The following UNC13C variants were observed in gnomAD, a reference collection of about 807,000 sequenced individuals.
UNC13C encodes the protein protein unc-13 homolog C.
A neutral mutation model predicts 245.4 loss-of-function variants in UNC13C; 174 were observed. The ratio of observed to expected loss-of-function variants is 0.71; its 90% CI spans 0.63 to 0.80. The LOEUF is 0.80. Among genes scored for constraint, UNC13C ranks in the 30% least tolerant of loss-of-function variants. The probability of loss-of-function intolerance (pLI) is 0.00; values close to 1 mark genes in which losing one functional copy is unlikely to be tolerated. For synonymous variants in UNC13C, 992 were observed against 895.1 expected (o/e 1.11, Z -1.93); for missense variants, 2,829 against 2,602.9 (o/e 1.09, Z -1.89).
At chr15:54,319,848 T>G (rs1567184051) in intron 13 of UNC13C, among the ~76,000 whole-genome samples, 1 of 152,008 alleles carries the variant, frequency 6.6e-6, no homozygotes, top group Non-Finnish European at 1.5e-5. Flanking sequence ...TGCTTTCCAT[T>G]TTCAAGTCTT....
intron 19 of UNC13C, among the ~76,000 whole-genome samples, chr15:54,416,119 G>T (rs1411270496): frequency 1.3e-5 from 2 of 152,194 alleles, no homozygotes; most frequent in Non-Finnish European, 2.9e-5. Context: ...ACAGGGCCTT[G>T]TGGGCCATCG....
In UNC13C at chr15:54,511,838, T is replaced by A. The variant is rs1241886127; in HGVS notation, c.5457+8T>A. The A allele has an allele frequency of 2.5e-6, 4 of 1,577,912 alleles. No individual in the cohort carries two copies. Among genetic ancestry groups the A allele is most frequent in the African/African-American group, 1.3e-5 (1 of 74,166 alleles). On this transcript the variant is annotated splice_region_variant and intron_variant, in intron 24 of 32. Coordinates refer to ENST00000260323, the MANE Select transcript of UNC13C (RefSeq NM_001080534.3). ...TCCATGGGAGGGAAGGAGGTGGGTA[T>A]CTTTTTCTCCTACATTTGCTAAAAA... is the stretch of plus-strand genomic sequence containing the variant.
chr15:54,115,109 A>G (rs891860357), intron 2 of UNC13C, among the ~76,000 whole-genome samples: 2 of 152,000 alleles, frequency 1.3e-5, no homozygotes, highest in Non-Finnish European at 2.9e-5. Context: ...ATTTTATGAT[A>G]TATTTTTACT....
chr15:53,928,743 G>T, the UNC13C span, among the ~76,000 whole-genome samples: 1 of 152,182 alleles, frequency 6.6e-6, no homozygotes, highest in Admixed American at 6.5e-5. Context: ...GTGCATTTCT[G>T]GAGGTACTGC....
chr15:54,387,204 C>T (rs1386101278), intron 17 of UNC13C, among the ~76,000 whole-genome samples: 1 of 152,118 alleles, frequency 6.6e-6, no homozygotes, highest in Non-Finnish European at 1.5e-5. Flanking sequence ...AATGCCTGCT[C>T]CGTGACAAAG....
At chr15:54,105,286 G>C (rs185232993) in intron 2 of UNC13C, among the ~76,000 whole-genome samples, 96 of 152,206 alleles carry the variant, frequency 6.3e-4, no homozygotes, top group African/African-American at 2.3e-3. Flanking sequence ...ACAGGACATG[G>C]GGGGGTCTCA....
At chr15:54,320,826 C>A in intron 13 of UNC13C, 1 of 323,688 alleles carries the variant, frequency 3.1e-6, no homozygotes, top group South Asian at 2.9e-5. Context: ...ACCACAGGAA[C>A]TAGAGCTTCT....
intron 17 of UNC13C, among the ~76,000 whole-genome samples, chr15:54,347,738 A>T (rs1325397110): frequency 1.3e-5 from 2 of 152,148 alleles, no homozygotes; most frequent in African/African-American, 4.8e-5. Context: ...CAGTAGAAAC[A>T]TATTTCTCTC....
chr15:54,203,160 A>C (rs2034576157), intron 4 of UNC13C, among the ~76,000 whole-genome samples: 5 of 151,874 alleles, frequency 3.3e-5, no homozygotes, highest in Admixed American at 3.3e-4. Flanking sequence ...TGGCCATAAT[A>C]AAAATATCAA....
At chr15:54,514,689 G>A (rs577449478) in intron 24 of UNC13C, among the ~76,000 whole-genome samples, 1 of 146,162 alleles carries the variant, frequency 6.8e-6, no homozygotes, top group African/African-American at 2.4e-5. Flanking sequence ...CCATGTAGTT[G>A]AGGCAGCTGT....
chr15:54,607,647 G>A (rs1566936591), intron 30 of UNC13C, among the ~76,000 whole-genome samples: 1 of 152,186 alleles, frequency 6.6e-6, no homozygotes, highest in Non-Finnish European at 1.5e-5. Context: ...TATGCAGGCT[G>A]TACATGAAGC....
chr15:53,968,150 C>T, the UNC13C span: 2 of 151,960 alleles, frequency 1.3e-5, no homozygotes, highest in African/African-American at 2.4e-5. Context: ...TGTCCTTGTA[C>T]CTGAGGATGA....
intron 13 of UNC13C, among the ~76,000 whole-genome samples, chr15:54,303,818 C>A (rs576631239): frequency 6.6e-6 from 1 of 151,968 alleles, no homozygotes; most frequent in Admixed American, 6.6e-5. Context: ...TCCAGAAAGG[C>A]GGGGTCAACT....
intron 18 of UNC13C, among the ~76,000 whole-genome samples, chr15:54,403,640 C>A (rs2040233174): frequency 6.8e-6 from 1 of 146,020 alleles, no homozygotes; most frequent in South Asian, 2.1e-4. Context: ...CTGCTTGAAC[C>A]CAGGAGGCAG....
the UNC13C span, among the ~76,000 whole-genome samples, chr15:53,930,882 G>T: frequency 1.2e-4 from 18 of 152,214 alleles, no homozygotes; most frequent in South Asian, 2.7e-3. Context: ...TTTAGAGCAT[G>T]GAAATAAAAG....
At chr15:54,604,096 G>A (rs1899618924) in intron 30 of UNC13C, among the ~76,000 whole-genome samples, 1 of 152,106 alleles carries the variant, frequency 6.6e-6, no homozygotes, top group Non-Finnish European at 1.5e-5. Flanking sequence ...GTTGATGTGA[G>A]AGCTGAACTC....
At chr15:54,416,588 A>G (rs2040526068) in intron 19 of UNC13C, among the ~76,000 whole-genome samples, 1 of 151,954 alleles carries the variant, frequency 6.6e-6, no homozygotes, top group Non-Finnish European at 1.5e-5. Context: ...CTCTGCTTTC[A>G]CTGTCTCTTT....
intron 19 of UNC13C, among the ~76,000 whole-genome samples, chr15:54,487,766 C>CAAAA (rs5812760): frequency 1.1e-3 from 66 of 62,638 alleles, no homozygotes; most frequent in African/African-American, 1.5e-3. Flanking sequence ...GATTCCATCT[C>CAAAA]AAAAAAAAAA....
intron 4 of UNC13C, 102 bp from the exon 5 acceptor site, chr15:54,234,928 C>T: frequency 2.1e-6 from 2 of 973,920 alleles, no homozygotes; most frequent in Non-Finnish European, 3.1e-6. Flanking sequence ...CTATGGTATC[C>T]AGGTCATCTT....
Sources: gnomAD v4.1 joint callset for allele counts (sites outside exome capture counted in the v4.1 genomes callset) on GRCh38, gnomAD v4.1.1 for gene constraint, MANE v1.5 for transcripts, NCBI Gene and HGNC (gene_info 2026-07-23, HGNC 2026-07-21) for gene names.